The following COG5 variants were observed in gnomAD, a reference collection of about 807,000 sequenced individuals.
COG5 encodes conserved oligomeric Golgi complex subunit 5.
In COG5, 86 loss-of-function variants were observed where a neutral mutation model predicts 110.4. The observed-to-expected ratio is 0.78, with a 90% CI of 0.65 to 0.93. The LOEUF (loss-of-function observed/expected upper bound fraction) is 0.93. Ranked by LOEUF, COG5 falls within the 40% of genes least tolerant of loss-of-function variation. COG5 has a pLI of 0.00. For synonymous variants in COG5, 360 were observed against 334.6 expected, an observed-to-expected ratio of 1.08 and a Z score of -0.83; for missense variants, 1,077 against 987.0, an observed-to-expected ratio of 1.09 and a Z score of -1.22.
intron 10 of COG5, among the ~76,000 whole-genome samples, chr7:107,332,680 A>T (rs906616246): frequency 6.6e-6 from 1 of 152,148 alleles, no homozygotes; most frequent in Non-Finnish European, 1.5e-5. Context: ...GTTTCAGTAG[A>T]GTGAAACCTT....
At chr7:107,210,068 G>A (rs1005781631) in intron 21 of COG5, 1 of 1,036,820 alleles carries the variant, frequency 9.6e-7, no homozygotes, top group Non-Finnish European at 1.2e-6. Context: ...ACTACTGGAG[G>A]GCCATGGTAT....
intron 5 of COG5, among the ~76,000 whole-genome samples, chr7:107,533,622 A>G (rs1801368604): frequency 6.6e-6 from 1 of 151,662 alleles, no homozygotes; most frequent in Non-Finnish European, 1.5e-5. Context: ...GAGAAAAAAG[A>G]ATGAAAAAGA....
intron 8 of COG5, among the ~76,000 whole-genome samples, chr7:107,367,151 G>T (rs535861951): frequency 1.3e-5 from 2 of 151,838 alleles, no homozygotes; most frequent in Non-Finnish European, 2.9e-5. Context: ...GACACATACA[G>T]CTACAAAATT....
At chr7:107,390,390 G>A (rs911552362) in intron 7 of COG5, among the ~76,000 whole-genome samples, 3 of 152,052 alleles carry the variant, frequency 2.0e-5, no homozygotes, top group Admixed American at 6.5e-5. Flanking sequence ...GCAAGCCCTC[G>A]AGGCTGCTTT....
chr7:107,545,936 C>T (rs978059819), intron 5 of COG5, among the ~76,000 whole-genome samples: 15 of 152,158 alleles, frequency 9.9e-5, no homozygotes, highest in South Asian at 4.1e-4. Flanking sequence ...CTCAAATGCA[C>T]ATGGAACTTT....
chr7:107,414,381 T>C (rs1792539939), intron 6 of COG5, among the ~76,000 whole-genome samples: 1 of 152,142 alleles, frequency 6.6e-6, no homozygotes, highest in South Asian at 2.1e-4. Flanking sequence ...ATTTAATGTA[T>C]TTATCATCTC....
At chr7:107,366,321 C>A (rs576888389) in intron 8 of COG5, among the ~76,000 whole-genome samples, 1 of 152,178 alleles carries the variant, frequency 6.6e-6, no homozygotes, top group East Asian at 1.9e-4. Flanking sequence ...GAGAATCAGA[C>A]TTCCACATCC....
intron 10 of COG5, among the ~76,000 whole-genome samples, chr7:107,339,924 C>T (rs1811035780): frequency 1.3e-5 from 2 of 151,920 alleles, no homozygotes; most frequent in African/African-American, 4.8e-5. Flanking sequence ...AAAGATCTCT[C>T]ATTAATCATT....
chr7:107,426,172 T>C (rs1042356453), intron 6 of COG5, among the ~76,000 whole-genome samples: 3 of 152,172 alleles, frequency 2.0e-5, no homozygotes, highest in East Asian at 1.9e-4. Flanking sequence ...GCCACCCAGT[T>C]TGTGGTACTT....
At chr7:107,439,290 AT>A (rs1286757349) in intron 6 of COG5, among the ~76,000 whole-genome samples, 1 of 150,674 alleles carries the variant, frequency 6.6e-6, no homozygotes, top group Non-Finnish European at 1.5e-5. Flanking sequence ...AAAAAAAAAA[AT>A]CTTTGAAATT....
chr7:107,408,172 G>A (rs1399519875), intron 7 of COG5, among the ~76,000 whole-genome samples: 3 of 152,210 alleles, frequency 2.0e-5, no homozygotes, highest in Non-Finnish European at 4.4e-5. Context: ...CTAATAAAGT[G>A]TTAATGGAAC....
intron 5 of COG5, among the ~76,000 whole-genome samples, chr7:107,538,269 G>A (rs769738935): frequency 3.3e-5 from 5 of 152,218 alleles, no homozygotes; most frequent in African/African-American, 4.8e-5. Context: ...TGCTATGCAA[G>A]TGGCACACCT....
chr7:107,414,253 C>T (rs1191801756), intron 6 of COG5, among the ~76,000 whole-genome samples: 1 of 152,062 alleles, frequency 6.6e-6, no homozygotes, highest in African/African-American at 2.4e-5. Context: ...GACAATTAAA[C>T]CTTAATAAAT....
At chr7:107,262,181 G>A (rs748586985) in intron 14 of COG5, among the ~76,000 whole-genome samples, 4 of 152,046 alleles carry the variant, frequency 2.6e-5, no homozygotes, top group East Asian at 1.9e-4. Flanking sequence ...ATGAGCCACC[G>A]CACCGGCCGT....
At chr7:107,421,007 GTT>G (rs1793249211) in intron 6 of COG5, among the ~76,000 whole-genome samples, 1 of 152,112 alleles carries the variant, frequency 6.6e-6, no homozygotes, top group Non-Finnish European at 1.5e-5. Flanking sequence ...ATGAGAATTA[GTT>G]TTCCTTTCCT....
intron 6 of COG5, among the ~76,000 whole-genome samples, chr7:107,460,351 A>G (rs1795912466): frequency 6.6e-6 from 1 of 152,078 alleles, no homozygotes; most frequent in Non-Finnish European, 1.5e-5. Flanking sequence ...TACAGTGACC[A>G]GTAATCGTAC....
chr7:107,334,734 A>C (rs1810563013), intron 10 of COG5, among the ~76,000 whole-genome samples: 1 of 152,152 alleles, frequency 6.6e-6, no homozygotes, highest in Non-Finnish European at 1.5e-5. Flanking sequence ...CACCACCATC[A>C]GACCTGTCTT....
chr7:107,502,771 T>C (rs1014607042), intron 6 of COG5, among the ~76,000 whole-genome samples: 6 of 152,148 alleles, frequency 3.9e-5, no homozygotes, highest in African/African-American at 9.6e-5. Flanking sequence ...ATTAGGGATG[T>C]TGAACATTTT....
intron 6 of COG5, chr7:107,470,127 A>C (rs1247858475): frequency 3.3e-5 from 5 of 152,164 alleles, no homozygotes; most frequent in Non-Finnish European, 7.4e-5. Flanking sequence ...AGAAAGACTG[A>C]ATCTAAATGT....
Sources: allele counts gnomAD v4.1 joint callset (sites outside exome capture counted in the v4.1 genomes callset), GRCh38; gene constraint gnomAD v4.1.1; transcripts MANE v1.5; gene names NCBI Gene and HGNC (gene_info 2026-07-23, HGNC 2026-07-21).